SLIT1: variants seen among roughly 807,000 people sequenced by gnomAD.
SLIT1 encodes the protein slit homolog 1 protein.
In SLIT1, 66 loss-of-function variants were observed where a neutral mutation model predicts 186.1. That is an observed-to-expected ratio of 0.35 (90% confidence interval 0.29 to 0.44). The LOEUF (loss-of-function observed/expected upper bound fraction) is 0.44. Among genes scored for constraint, SLIT1 ranks in the 20% least tolerant of loss-of-function variants. SLIT1 has a pLI of 1.00. For missense variants in SLIT1, 1,638 were observed against 2,037.4 expected (o/e 0.80, Z 3.77); for synonymous variants, 761 against 833.8 (o/e 0.91, Z 1.50).
intron 28 of SLIT1, 81 bp downstream of exon 28, chr10:97,018,505 C>T: frequency 2.3e-6 from 2 of 859,414 alleles, no homozygotes; most frequent in Non-Finnish European, 3.7e-6. Context: ...CTGGGCCATC[C>T]CTGATGGAGA....
chr10:97,043,743 C>G lies in SLIT1; in HGVS notation c.1854-230G>C, dbSNP rs1314155799. ...TCTGAGAAGCCTCGAGGCTCTGTCT[C>G]TCTCTCCCTGCCACTGCCCTGTCCC... On this transcript the variant is annotated intron_variant, in intron 18 of 36. Transcript: ENST00000266058. This position sits in a 1 kb window ranked among gnomAD's most constrained non-coding sequence, Gnocchi z 7.0. Among the ~76,000 whole-genome samples, 1 of 152,216 alleles carries G rather than the reference C, an allele frequency of 6.6e-6. No homozygotes were observed. The highest frequency in any genetic ancestry group is 1.5e-5 in the Non-Finnish European group (1 of 68,026).
At chr10:97,118,703 C>T (rs1280267863) in intron 4 of SLIT1, among the ~76,000 whole-genome samples, 2 of 152,134 alleles carry the variant, frequency 1.3e-5, no homozygotes, top group East Asian at 3.9e-4. Flanking sequence ...GATTCAAACC[C>T]AACTCTGTCA....
At chr10:97,112,900 C>T (rs955965641) in intron 4 of SLIT1, among the ~76,000 whole-genome samples, 1 of 152,032 alleles carries the variant, frequency 6.6e-6, no homozygotes, top group African/African-American at 2.4e-5. Flanking sequence ...CACCATGTTG[C>T]TCAGGCTGGT....
chr10:97,086,519 A>G (rs1248214682), intron 4 of SLIT1, among the ~76,000 whole-genome samples: 1 of 152,188 alleles, frequency 6.6e-6, no homozygotes, highest in Admixed American at 6.5e-5. Flanking sequence ...CAGAGGTTGC[A>G]GTGAGCCGAG....
intron 4 of SLIT1, among the ~76,000 whole-genome samples, chr10:97,149,917 T>A (rs919210709): frequency 6.6e-6 from 1 of 152,172 alleles, no homozygotes; most frequent in Non-Finnish European, 1.5e-5. Flanking sequence ...ATGGCGCACA[T>A]TAGCGTGTTA....
chr10:97,141,242 C>A (rs921592986), intron 4 of SLIT1, among the ~76,000 whole-genome samples: 6 of 152,220 alleles, frequency 3.9e-5, no homozygotes, highest in African/African-American at 1.4e-4. Flanking sequence ...GTCTAGGAAG[C>A]CTGCCTCGTG....
chr10:97,066,638 C>T (rs1481896421), intron 4 of SLIT1, among the ~76,000 whole-genome samples: 1 of 152,200 alleles, frequency 6.6e-6, no homozygotes, highest in Non-Finnish European at 1.5e-5. Context: ...GTGCCTGCTC[C>T]CCTTCAGGCT....
chr10:97,160,426 G>A (rs896014421), intron 3 of SLIT1, among the ~76,000 whole-genome samples: 3 of 152,178 alleles, frequency 2.0e-5, no homozygotes, highest in South Asian at 2.1e-4. Flanking sequence ...AGTAAAAGAC[G>A]GTGGCAGACA....
At chr10:97,062,637 G>A (rs1010203705) in intron 8 of SLIT1, among the ~76,000 whole-genome samples, 2 of 152,230 alleles carry the variant, frequency 1.3e-5, no homozygotes, top group African/African-American at 4.8e-5. Context: ...CAGCAGGGGA[G>A]CAGCCTGTGA....
intron 2 of SLIT1, among the ~76,000 whole-genome samples, chr10:97,164,136 C>T (rs1209748570): frequency 6.6e-6 from 1 of 152,200 alleles, no homozygotes; most frequent in African/African-American, 2.4e-5. Context: ...GCTGGTGGGG[C>T]AGCATTTTTC....
intron 25 of SLIT1, among the ~76,000 whole-genome samples, chr10:97,029,558 A>T (rs915207281): frequency 3.9e-5 from 6 of 152,152 alleles, no homozygotes; most frequent in Non-Finnish European, 8.8e-5. Flanking sequence ...GCCCAGCCCA[A>T]CCTCCAGAAT....
chr10:97,147,622 AGAGAGCTGGGAGG>A (rs1395336530), intron 4 of SLIT1, among the ~76,000 whole-genome samples: 1 of 150,848 alleles, frequency 6.6e-6, no homozygotes, highest in Non-Finnish European at 1.5e-5. Context: ...GCTCAGGTTC[AGAGAGCTGGGAGG>A]GGGGGGAAGG....
Position 97,043,309 on chromosome 10 carries a change from C to A in SLIT1, c.1997+61G>T. On this transcript the variant is annotated intron_variant, in intron 19 of 36. Transcript: ENST00000266058. This position sits in a 1 kb window ranked among gnomAD's most constrained non-coding sequence, Gnocchi z 7.0. ...GGTGAGCTCTTTCAAAGTGGCTGGCCGAGACGGTTGGGACGGTTGCTCCAG... is the reference window on the plus strand; with the variant it reads ...GGTGAGCTCTTTCAAAGTGGCTGGCAGAGACGGTTGGGACGGTTGCTCCAG... The A allele has an allele frequency of 6.2e-7, 1 of 1,603,048 alleles. No homozygotes were observed. The highest frequency in any genetic ancestry group is 1.1e-5 in the South Asian group (1 of 90,392).
chr10:97,181,254 G>A (rs975309416), intron 1 of SLIT1, among the ~76,000 whole-genome samples: 33 of 152,224 alleles, frequency 2.2e-4, no homozygotes, highest in African/African-American at 8.0e-4. Context: ...CTCTGCTGCA[G>A]GAGACCATGG....
At chr10:97,149,600 C>A (rs1032244187) in intron 4 of SLIT1, among the ~76,000 whole-genome samples, 1 of 148,118 alleles carries the variant, frequency 6.8e-6, no homozygotes, top group Non-Finnish European at 1.5e-5. Flanking sequence ...TTGGGCCCTT[C>A]CACACTGACT....
chr10:97,042,385 T>G (rs1848697728), intron 20 of SLIT1, among the ~76,000 whole-genome samples: 1 of 151,996 alleles, frequency 6.6e-6, no homozygotes, highest in Admixed American at 6.6e-5. Context: ...CTTCCGTGCT[T>G]GGTGCTGTGG....
intron 4 of SLIT1, among the ~76,000 whole-genome samples, chr10:97,106,391 T>TGAAC (rs1271800548): frequency 1.5e-5 from 2 of 137,086 alleles, no homozygotes; most frequent in African/African-American, 3.0e-5. Flanking sequence ...ACAGAGAGAA[T>TGAAC]GAATGAATGA....
rs188770111 is a variant in SLIT1, at chr10:97,160,804, T to C, written c.341+2576A>G. Among the ~76,000 whole-genome samples the C allele has an allele frequency of 4.6e-3, 700 of 152,242 alleles. 2 individuals are homozygous for C. Among genetic ancestry groups the C allele is most frequent in the Non-Finnish European group, 6.6e-3 (451 of 68,024 alleles). On this transcript the variant is annotated intron_variant, in intron 3 of 36. Transcript: ENST00000266058. The stretch of plus-strand genomic sequence containing the variant: ...GGCATGATCTCGGCTCACCGCAACC[T>C]CCGCCTCCCGGGTTCAAGTGATTCT...
In SLIT1 at chr10:97,032,702, C is replaced by T. The variant is rs183399782; in HGVS notation, c.2439-1025G>A. On this transcript the variant is annotated intron_variant, in intron 23 of 36. Transcript: ENST00000266058. ...CATCCAGGGCAGACAGGCAGATTAA[C>T]AAGGGAAATCACACTTGCAATAGCG... 2.5e-3 allele frequency among the ~76,000 whole-genome samples: 373 copies of T among 152,166 alleles called. 2 individuals carry two copies. Among genetic ancestry groups the T allele is most frequent in the Admixed American group, 6.0e-3 (92 of 15,268 alleles).
Sources: allele counts gnomAD v4.1 joint callset (sites outside exome capture counted in the v4.1 genomes callset), GRCh38; gene constraint gnomAD v4.1.1; non-coding constraint Gnocchi (gnomAD v3.1); transcripts MANE v1.5; gene names NCBI Gene and HGNC (gene_info 2026-07-23, HGNC 2026-07-21).